The following PPP2R2D variants were observed in gnomAD, a reference collection of about 807,000 sequenced individuals.
PPP2R2D encodes protein phosphatase 2 regulatory subunit Bdelta, also known as serine/threonine-protein phosphatase 2A 55 kDa regulatory subunit B delta isoform.
Under a neutral mutation model 31.1 loss-of-function variants are expected in PPP2R2D, and 9 were observed. The ratio of observed to expected loss-of-function variants is 0.29; its 90% CI spans 0.17 to 0.51. The LOEUF is 0.51. Ranked by LOEUF, PPP2R2D falls within the 20% of genes least tolerant of loss-of-function variation. The probability of loss-of-function intolerance (pLI) is 0.98; values close to 1 mark genes in which losing one functional copy is unlikely to be tolerated. For missense variants in PPP2R2D, 391 were observed against 465.6 expected (o/e 0.84, Z 1.48); for synonymous variants, 179 against 172.6 (o/e 1.04, Z -0.29).
the PPP2R2D span, chr10:131,970,278 A>T: frequency 3.9e-6 from 1 of 257,616 alleles, no homozygotes; most frequent in Non-Finnish European, 7.4e-6. This position sits in a 1 kb window ranked among gnomAD's most constrained non-coding sequence, Gnocchi z 4.1. Flanking sequence ...CCCTCCACCT[A>T]CAGCAGAGCT....
chr10:131,942,684 A>G (rs894478020), intron 5 of PPP2R2D, among the ~76,000 whole-genome samples: 3 of 152,212 alleles, frequency 2.0e-5, no homozygotes, highest in Non-Finnish European at 4.4e-5. Context: ...CCTGGGCAAC[A>G]TAGCCAGACC....
At chr10:131,932,124 C>T (rs7072006) in intron 2 of PPP2R2D, among the ~76,000 whole-genome samples, 22,954 of 152,096 alleles carry the variant, frequency 0.15, 1,948 homozygotes, top group African/African-American at 0.22. Context: ...TGAGAGGACT[C>T]GGGGTGGCTG....
intron 8 of PPP2R2D, among the ~76,000 whole-genome samples, chr10:131,954,767 C>T (rs1397249950): frequency 2.0e-5 from 3 of 152,130 alleles, no homozygotes; most frequent in South Asian, 2.1e-4. Flanking sequence ...CTTGAAGACG[C>T]GCCAGCGTGA....
intron 2 of PPP2R2D, 22 bp from the exon 3 acceptor site, chr10:131,934,436 C>T (rs1554896151): frequency 3.9e-6 from 3 of 761,042 alleles, no homozygotes; most frequent in Middle Eastern, 4.6e-4. Context: ...TCCGGTAAAT[C>T]GCTTCTGTAT....
At position 131,955,967 on chromosome 10, in the gene PPP2R2D, C is replaced by G. The variant is rs369880399; in HGVS notation, c.*4C>G. ...ATTCCAGGACAAAATCAACTAGAGA[C>G]GCGAACGTGAGGACCAAGTCTTGTC... On this transcript the variant is annotated 3_prime_UTR_variant, in exon 9 of 9. Transcript: ENST00000455566. 1.3e-6 allele frequency: 2 copies of G among 1,493,460 alleles called. No homozygotes were observed. The highest frequency in any genetic ancestry group is 1.8e-6 in the Non-Finnish European group (2 of 1,112,026). The allele number at this position is 1,493,460 out of a possible 1,614,324, so 92.5% of individuals were successfully genotyped here. A position where few individuals can be genotyped will look rare whatever the true frequency, so the allele number is the denominator to read the frequency against.
At chr10:131,943,729 T>C (rs2036483444) in intron 5 of PPP2R2D, among the ~76,000 whole-genome samples, 1 of 152,228 alleles carries the variant, frequency 6.6e-6, no homozygotes, top group Non-Finnish European at 1.5e-5. Flanking sequence ...TGATCTTCTC[T>C]TCAGCAGGAA....
intron 2 of PPP2R2D, among the ~76,000 whole-genome samples, chr10:131,904,985 C>CG (rs1400157617): frequency 2.3e-5 from 2 of 86,980 alleles, no homozygotes; most frequent in Non-Finnish European, 2.3e-5. Flanking sequence ...CACCCCACCC[C>CG]CCTTTTTTTT....
At chr10:131,952,680 T>G (rs1344548083) in intron 8 of PPP2R2D, among the ~76,000 whole-genome samples, 91 of 44,008 alleles carry the variant, frequency 2.1e-3, no homozygotes, top group African/African-American at 7.7e-3. Context: ...TTAGTGACTT[T>G]CGGGTGTGTG....
At chr10:131,954,502 G>A (rs2036755070) in intron 8 of PPP2R2D, among the ~76,000 whole-genome samples, 2 of 152,388 alleles carry the variant, frequency 1.3e-5, no homozygotes, top group Admixed American at 1.3e-4. Flanking sequence ...GCACAGCTTG[G>A]CATTGCTGGA....
At chr10:131,961,667 C>T (rs1464622986), downstream of PPP2R2D, among the ~76,000 whole-genome samples, 1 of 152,152 alleles carries the variant, frequency 6.6e-6, no homozygotes, top group African/African-American at 2.4e-5. Flanking sequence ...GAAGCTGTGA[C>T]AGGTGCAGAG....
At chr10:131,906,540 A>G (rs1341958081) in intron 2 of PPP2R2D, among the ~76,000 whole-genome samples, 1 of 152,170 alleles carries the variant, frequency 6.6e-6, no homozygotes, top group Non-Finnish European at 1.5e-5. Context: ...TTACATTGGT[A>G]CTTTGAAAGA....
At chr10:131,934,422 C>T (rs376318123) in intron 2 of PPP2R2D, 36 bp from the exon 3 acceptor site, 9 of 753,100 alleles carry the variant, frequency 1.2e-5, no homozygotes, top group South Asian at 2.9e-5. Flanking sequence ...TCCCCAAAAC[C>T]GCATCCGGTA....
Position 131,940,184 on chromosome 10 carries a change from C to T in PPP2R2D, c.352C>T (p.Leu118=), listed in dbSNP as rs367594936. ...LPQQNAAHFL[L]STNDKTIKLW... ...ACAACAGAATGCTGCTCATTTTCTACTGTCTACAAATGGTAAGAATTGTGT... is the reference window on the plus strand; with the variant it reads ...ACAACAGAATGCTGCTCATTTTCTATTGTCTACAAATGGTAAGAATTGTGT... Residue 118 remains leucine, a synonymous_variant, in exon 4 of 9, where the codon CTG becomes TTG. Transcript: ENST00000455566. 88 of 757,552 alleles carry T rather than the reference C, an allele frequency of 1.2e-4. No homozygotes were observed. The highest frequency in any genetic ancestry group is 2.0e-4 in the Non-Finnish European group (80 of 409,268). 46.9% of individuals were successfully genotyped at this position (757,552 alleles called of 1,614,324 possible).
At chr10:131,950,652 T>C (rs2036620542) in intron 8 of PPP2R2D, among the ~76,000 whole-genome samples, 1 of 152,164 alleles carries the variant, frequency 6.6e-6, no homozygotes, top group African/African-American at 2.4e-5. Flanking sequence ...AAAGGGAGCC[T>C]GGCCCTGCAG....
At chr10:131,960,303 C>T (rs1203988822), downstream of PPP2R2D, among the ~76,000 whole-genome samples, 1 of 152,202 alleles carries the variant, frequency 6.6e-6, no homozygotes, top group Non-Finnish European at 1.5e-5. Context: ...TAATGCTGAG[C>T]ACAGTTTTCA....
At chr10:131,919,078 GAC>G (rs201139096) in intron 2 of PPP2R2D, among the ~76,000 whole-genome samples, 1,690 of 125,124 alleles carry the variant, frequency 0.014, 4 homozygotes, top group African/African-American at 0.047. Flanking sequence ...CGGGTGGAGT[GAC>G]ACAGTGTTTG....
intron 5 of PPP2R2D, among the ~76,000 whole-genome samples, chr10:131,942,459 T>G (rs782177037): frequency 1.3e-5 from 2 of 152,242 alleles, no homozygotes; most frequent in African/African-American, 2.4e-5. Context: ...TCTCTAACAG[T>G]TCAGAGTGGG....
downstream of PPP2R2D, among the ~76,000 whole-genome samples, chr10:131,964,664 A>T (rs370304147): frequency 2.8e-4 from 36 of 126,714 alleles, 1 homozygote; most frequent in East Asian, 1.3e-3. Context: ...AGAGTTTACT[A>T]TGTTTTTTTT....
intron 2 of PPP2R2D, among the ~76,000 whole-genome samples, chr10:131,924,248 T>C (rs966233205): frequency 1.3e-5 from 2 of 152,168 alleles, no homozygotes; most frequent in South Asian, 2.1e-4. Flanking sequence ...TAATCCAAGA[T>C]TGTGAAGATT....
Sources: allele counts gnomAD v4.1 joint callset (sites outside exome capture counted in the v4.1 genomes callset), GRCh38; gene constraint gnomAD v4.1.1; non-coding constraint Gnocchi (gnomAD v3.1); transcripts MANE v1.5; gene names NCBI Gene and HGNC (gene_info 2026-07-23, HGNC 2026-07-21).